GALNT13: variants seen among roughly 807,000 people sequenced by gnomAD.
GALNT13 encodes the protein UDP-GalNAc:polypeptide N-acetylgalactosaminyltransferase 13.
A neutral mutation model predicts 64.2 loss-of-function variants in GALNT13; 28 were observed. The observed-to-expected ratio is 0.44, with a 90% CI of 0.32 to 0.60. The LOEUF is 0.60. GALNT13 is among the 20% of genes least tolerant of loss of function. GALNT13 has a pLI of 0.05. For synonymous variants in GALNT13, 214 were observed against 224.6 expected, an observed-to-expected ratio of 0.95 and a Z score of 0.42; for missense variants, 577 against 669.8, an observed-to-expected ratio of 0.86 and a Z score of 1.53.
At position 153,944,312 on chromosome 2, in the gene GALNT13, G is replaced by A. The variant is rs943663121; in HGVS notation, c.-104-82G>A. On this transcript the variant is annotated intron_variant, in intron 2 of 12. Coordinates refer to ENST00000392825, the MANE Select transcript of GALNT13 (RefSeq NM_052917.4). The stretch of plus-strand genomic sequence containing the variant: ...TGATATATTTGAGAACATTAAATAA[G>A]TCATACATTTCATGTTATATGTTCT... 1.2e-5 allele frequency: 6 copies of A among 518,134 alleles called. No homozygotes were observed. In the South Asian group the frequency reaches 1.3e-4, roughly 11 times the overall value. 32.1% of individuals were successfully genotyped at this position (518,134 alleles called of 1,614,324 possible).
At chr2:153,188,650 C>T in the GALNT13 span, among the ~76,000 whole-genome samples, 1 of 152,054 alleles carries the variant, frequency 6.6e-6, no homozygotes, top group African/African-American at 2.4e-5. Context: ...TACATATATA[C>T]TTAAAGTGAA....
chr2:154,353,155 A>G (rs1056976335), intron 9 of GALNT13, among the ~76,000 whole-genome samples: 1 of 152,170 alleles, frequency 6.6e-6, no homozygotes, highest in African/African-American at 2.4e-5. Context: ...TTTATCATCT[A>G]TATAATGGAT....
At chr2:153,156,241 C>T in the GALNT13 span, among the ~76,000 whole-genome samples, 2 of 152,058 alleles carry the variant, frequency 1.3e-5, no homozygotes, top group Non-Finnish European at 2.9e-5. Context: ...TATAGATATT[C>T]ATAAGGTTCA....
chr2:153,337,770 G>C, the GALNT13 span: 1 of 152,302 alleles, frequency 6.6e-6, no homozygotes, highest in South Asian at 2.1e-4. Context: ...AGCAGAAAGA[G>C]CTGCTGCAAT....
intron 3 of GALNT13, among the ~76,000 whole-genome samples, chr2:154,109,374 A>G (rs1249935935): frequency 6.6e-6 from 1 of 152,094 alleles, no homozygotes; most frequent in Non-Finnish European, 1.5e-5. Flanking sequence ...ATTTCTAACA[A>G]TATTTTTGGT....
chr2:153,331,559 G>A, the GALNT13 span, among the ~76,000 whole-genome samples: 17 of 152,218 alleles, frequency 1.1e-4, no homozygotes, highest in African/African-American at 2.9e-4. Flanking sequence ...TCCAATGTTC[G>A]AGGGCAGGAA....
At chr2:153,241,518 C>A in the GALNT13 span, among the ~76,000 whole-genome samples, 1 of 152,076 alleles carries the variant, frequency 6.6e-6, no homozygotes, top group South Asian at 2.1e-4. Flanking sequence ...GTGGCTTGAC[C>A]TCCATAGCTA....
the GALNT13 span, among the ~76,000 whole-genome samples, chr2:153,836,755 G>A: frequency 2.7e-5 from 4 of 150,410 alleles, no homozygotes; most frequent in African/African-American, 9.8e-5. Flanking sequence ...AGAACATGCG[G>A]TGTTTGGTTT....
chr2:153,387,337 C>T, the GALNT13 span, among the ~76,000 whole-genome samples: 5 of 152,060 alleles, frequency 3.3e-5, no homozygotes, highest in African/African-American at 1.2e-4. Flanking sequence ...TACCCACATA[C>T]AAACACACAG....
At chr2:153,086,797 G>A in the GALNT13 span, among the ~76,000 whole-genome samples, 6 of 151,954 alleles carry the variant, frequency 3.9e-5, no homozygotes, top group South Asian at 1.2e-3. Context: ...CACTGTTGGT[G>A]TATAGCAGTG....
chr2:153,454,905 G>A, the GALNT13 span, among the ~76,000 whole-genome samples: 55 of 152,314 alleles, frequency 3.6e-4, no homozygotes, highest in African/African-American at 1.3e-3. Context: ...ATCCTGTGCA[G>A]ACATTAAAAG....
At chr2:153,305,606 T>C in the GALNT13 span, among the ~76,000 whole-genome samples, 1 of 152,132 alleles carries the variant, frequency 6.6e-6, no homozygotes, top group African/African-American at 2.4e-5. Context: ...ACAACTCTGG[T>C]TGTAAACCCT....
chr2:154,090,497 T>C (rs1701751981), intron 3 of GALNT13, among the ~76,000 whole-genome samples: 1 of 152,054 alleles, frequency 6.6e-6, no homozygotes, highest in African/African-American at 2.4e-5. Context: ...TCAAACTTGA[T>C]TTACCCATTC....
At chr2:154,213,438 T>A (rs1301250881) in intron 4 of GALNT13, among the ~76,000 whole-genome samples, 2 of 152,166 alleles carry the variant, frequency 1.3e-5, no homozygotes, top group African/African-American at 2.4e-5. Flanking sequence ...AAAGTAAATG[T>A]TGCAGACAGA....
At chr2:153,553,181 T>A in the GALNT13 span, among the ~76,000 whole-genome samples, 1 of 152,236 alleles carries the variant, frequency 6.6e-6, no homozygotes, top group African/African-American at 2.4e-5. Context: ...TTATTGGTAA[T>A]ACCAAATCTA....
the GALNT13 span, among the ~76,000 whole-genome samples, chr2:153,481,549 G>A: frequency 6.6e-6 from 1 of 152,140 alleles, no homozygotes; most frequent in South Asian, 2.1e-4. Context: ...TTTTGATACT[G>A]AGAAAGACTA....
the GALNT13 span, among the ~76,000 whole-genome samples, chr2:153,843,975 G>A: frequency 6.6e-6 from 1 of 152,292 alleles, no homozygotes; most frequent in African/African-American, 2.4e-5. Flanking sequence ...CCTGTAACCT[G>A]TGGCTGCTCT....
the GALNT13 span, among the ~76,000 whole-genome samples, chr2:153,625,432 A>T: frequency 9.9e-5 from 15 of 152,186 alleles, no homozygotes; most frequent in Admixed American, 9.2e-4. Flanking sequence ...ACACTGTGAC[A>T]GTTTAAGATA....
chr2:154,155,919 A>G (rs574978963), intron 4 of GALNT13, among the ~76,000 whole-genome samples: 1 of 152,076 alleles, frequency 6.6e-6, no homozygotes, highest in South Asian at 2.1e-4. Flanking sequence ...GGATAAAACT[A>G]TATATGGACA....
Sources: gnomAD v4.1 joint callset for allele counts (sites outside exome capture counted in the v4.1 genomes callset) on GRCh38, gnomAD v4.1.1 for gene constraint, MANE v1.5 for transcripts, NCBI Gene and HGNC (gene_info 2026-07-23, HGNC 2026-07-21) for gene names.